Variants in METRNL observed in about 807,000 individuals in gnomAD.
METRNL encodes meteorin like, glial cell differentiation regulator.
METRNL carries 9 observed loss-of-function variants against 17.4 expected under a neutral mutation model. The ratio of observed to expected loss-of-function variants is 0.52; its 90% CI spans 0.31 to 0.90. The LOEUF is 0.90. METRNL is among the 40% of genes least tolerant of loss of function. METRNL has a pLI of 0.05. For missense variants in METRNL, 408 were observed against 430.7 expected (o/e 0.95, Z 0.47); for synonymous variants, 215 against 199.3 (o/e 1.08, Z -0.66).
chr17:83,085,839 G>A (rs2038046978), intron 2 of METRNL, among the ~76,000 whole-genome samples: 1 of 152,248 alleles, frequency 6.6e-6, no homozygotes, highest in African/African-American at 2.4e-5. Flanking sequence ...CTGGGTGTCT[G>A]TGGTGTCGGC....
chr17:83,080,746 C>A (rs527508565), intron 1 of METRNL, among the ~76,000 whole-genome samples: 1 of 150,806 alleles, frequency 6.6e-6, no homozygotes, highest in African/African-American at 2.4e-5. Context: ...GCGCGAGCCT[C>A]GCAGTCGCCA....
At chr17:83,082,358 A>G (rs2037999642) in intron 1 of METRNL, 1 of 576,870 alleles carries the variant, frequency 1.7e-6, no homozygotes. Context: ...ACAACCCTCC[A>G]GTGCACCTGC....
chr17:83,087,735 C>T (rs113843497), intron 2 of METRNL, among the ~76,000 whole-genome samples: 1 of 152,194 alleles, frequency 6.6e-6, no homozygotes, highest in African/African-American at 2.4e-5. Context: ...GCTGTAGCTG[C>T]GAGAGCCGAC....
chr17:83,079,779 C>A lies in METRNL; in HGVS notation c.-37C>A. 1 of 963,844 alleles carries A rather than the reference C, an allele frequency of 1.0e-6. No homozygotes were observed. The highest frequency in any genetic ancestry group is 1.2e-6 in the Non-Finnish European group (1 of 815,344). 59.7% of individuals were successfully genotyped at this position (963,844 alleles called of 1,614,324 possible). ...GCTCCGGGGTCTGCTCCGGGGGTCG[C>A]GGACGCGGGGCCGGGCGGCGGAGCC... On this transcript the variant is annotated 5_prime_UTR_variant, in exon 1 of 4. Transcript: ENST00000320095.
intron 1 of METRNL, among the ~76,000 whole-genome samples, chr17:83,083,335 T>C (rs2038011395): frequency 6.6e-6 from 1 of 151,936 alleles, no homozygotes; most frequent in African/African-American, 2.4e-5. Flanking sequence ...GGACGGTGTA[T>C]GTGGAGAGAG....
chr17:83,086,266 C>G (rs1384610396), intron 2 of METRNL, among the ~76,000 whole-genome samples: 2 of 152,224 alleles, frequency 1.3e-5, no homozygotes, highest in South Asian at 2.1e-4. Flanking sequence ...TGAAATCTCT[C>G]CCAGGTAGAC....
At chr17:83,080,478 G>C (rs1412036996) in intron 1 of METRNL, among the ~76,000 whole-genome samples, 3 of 149,890 alleles carry the variant, frequency 2.0e-5, no homozygotes, top group African/African-American at 4.9e-5. Flanking sequence ...CCTGTGAGCC[G>C]GGCCGAGTGT....
intron 1 of METRNL, among the ~76,000 whole-genome samples, chr17:83,081,865 G>C (rs1374298613): frequency 6.6e-6 from 1 of 152,234 alleles, no homozygotes; most frequent in African/African-American, 2.4e-5. Flanking sequence ...ATCAGTGACA[G>C]AGACTCGCTG....
In METRNL at chr17:83,079,959, C is replaced by T. The variant is rs1172688527; in HGVS notation, c.144C>T (p.Ser48=). The T allele has an allele frequency of 1.4e-5, 14 of 1,015,104 alleles. No homozygotes were observed. Among genetic ancestry groups the T allele is most frequent in the African/African-American group, 3.5e-5 (2 of 57,388 alleles). 62.9% of individuals were successfully genotyped at this position (1,015,104 alleles called of 1,614,324 possible). The part of the protein sequence containing the change: ...GLLGGAGAQY[S]SDRCSWKGSG... Reference sequence around the variant, plus strand: ...TGGGCGGCGCGGGCGCGCAGTACTCCAGCGACCGGTGCAGCTGGAAGGGGA... The same window carrying T: ...TGGGCGGCGCGGGCGCGCAGTACTCTAGCGACCGGTGCAGCTGGAAGGGGA... Residue 48 remains serine, a synonymous_variant, in exon 1 of 4, where the codon TCC becomes TCT. Coordinates refer to ENST00000320095, the MANE Select transcript of METRNL (RefSeq NM_001004431.3).
intron 2 of METRNL, among the ~76,000 whole-genome samples, chr17:83,090,932 C>T (rs1408978661): frequency 6.6e-6 from 1 of 152,150 alleles, no homozygotes; most frequent in Non-Finnish European, 1.5e-5. Context: ...TCTGCAGACC[C>T]CCAGCCGGCG....
intron 1 of METRNL, 93 bp downstream of exon 1, chr17:83,080,078 G>A: frequency 1.3e-6 from 1 of 777,258 alleles, no homozygotes; most frequent in Non-Finnish European, 1.6e-6. Flanking sequence ...GCGGCCGGGG[G>A]CGGGCGCGGG....
chr17:83,094,462 A>G lies in METRNL; in HGVS notation c.823A>G (p.Met275Val), dbSNP rs752349419. The part of the protein sequence containing the change: ...GHGDFLFTGH[M>V]HFGEARLGCA... ...TGGCGACTTCCTCTTCACTGGCCAC[A>G]TGCACTTCGGGGAGGCGCGGCTCGG... is the stretch of plus-strand genomic sequence containing the variant. Residue 275 changes from methionine to valine, a missense_variant, in exon 4 of 4, where the codon ATG becomes GTG. Met to Val is a conservative substitution (Grantham distance 21, BLOSUM62 1). Coordinates refer to ENST00000320095, the MANE Select transcript of METRNL (RefSeq NM_001004431.3). 6.3e-7 allele frequency: 1 copy of G among 1,591,204 alleles called. No homozygotes were observed. The highest frequency in any genetic ancestry group is 1.1e-5 in the South Asian group (1 of 89,626).
chr17:83,085,970 G>A (rs902692593), intron 2 of METRNL, among the ~76,000 whole-genome samples: 15 of 152,216 alleles, frequency 9.9e-5, no homozygotes, highest in African/African-American at 3.4e-4. Flanking sequence ...TTGTGGGTAC[G>A]ATAAACAGAC....
chr17:83,084,290 A>G (rs1322072684), intron 1 of METRNL: 1 of 152,374 alleles, frequency 6.6e-6, no homozygotes, highest in Non-Finnish European at 1.5e-5. Context: ...GTGCTAAAAG[A>G]CAAAACTCAT....
chr17:83,089,471 C>T (rs2038090911), intron 2 of METRNL, among the ~76,000 whole-genome samples: 2 of 152,174 alleles, frequency 1.3e-5, no homozygotes. Context: ...GGTCCTGCCT[C>T]TCTACTTAAC....
At chr17:83,082,045 T>A in intron 1 of METRNL, 5 of 984,246 alleles carry the variant, frequency 5.1e-6, no homozygotes, top group Non-Finnish European at 6.0e-6. Context: ...ATCGACGGCC[T>A]CTGTTGCTGG....
intron 2 of METRNL, among the ~76,000 whole-genome samples, chr17:83,088,429 G>A (rs1011562005): frequency 6.6e-6 from 1 of 152,200 alleles, no homozygotes; most frequent in Admixed American, 6.5e-5. Context: ...GTCCAGGCAG[G>A]TCCCAGGATT....
intron 1 of METRNL, among the ~76,000 whole-genome samples, chr17:83,083,305 G>A (rs546027297): frequency 1.2e-4 from 19 of 152,332 alleles, no homozygotes; most frequent in South Asian, 8.3e-4. Flanking sequence ...AGGACTCCCC[G>A]AGAGGGAGGC....
chr17:83,085,038 G>A lies in METRNL; in HGVS notation c.271G>A (p.Val91Ile), dbSNP rs572035574. The change falls in exon 2 of 4, where the codon GTT becomes ATT. Residue 91 changes from valine to isoleucine, a missense_variant. Val to Ile is a conservative substitution (Grantham distance 29). Transcript: ENST00000320095. ...GATGTACCCAACAGGTGCTCTCATC[G>A]TTAACCTGCGGCCCAACACCTTCTC... Reference protein sequence around the residue: ...EWMYPTGALIVNLRPNTFSPA... With the variant: ...EWMYPTGALIINLRPNTFSPA... 6.2e-6 allele frequency: 10 copies of A among 1,613,928 alleles called. No individual in the cohort carries two copies. Among genetic ancestry groups the A allele is most frequent in the East Asian group, 4.5e-5 (2 of 44,886 alleles).
Sources: allele counts gnomAD v4.1 joint callset (sites outside exome capture counted in the v4.1 genomes callset), GRCh38; gene constraint gnomAD v4.1.1; transcripts MANE v1.5; gene names NCBI Gene and HGNC (gene_info 2026-07-23, HGNC 2026-07-21).